KCTD18: variants seen among roughly 807,000 people sequenced by gnomAD.
The protein encoded by KCTD18 is potassium channel tetramerization domain containing 18.
Under a neutral mutation model 30.4 loss-of-function variants are expected in KCTD18, and 22 were observed. The observed-to-expected ratio is 0.72, with a 90% CI of 0.52 to 1.03. The LOEUF (loss-of-function observed/expected upper bound fraction) is 1.03. Among genes scored for constraint, KCTD18 ranks in the 50% least tolerant of loss-of-function variants. KCTD18 has a pLI of 0.00. For missense variants in KCTD18, 529 were observed against 547.6 expected (o/e 0.97, Z 0.34); for synonymous variants, 186 against 209.0 (o/e 0.89, Z 0.95).
chr2:200,503,834 A>C (rs770941742), intron 3 of KCTD18, among the ~76,000 whole-genome samples: 8 of 152,228 alleles, frequency 5.3e-5, no homozygotes, highest in Non-Finnish European at 7.3e-5. Flanking sequence ...CACTATTAAC[A>C]ATTTTCTAAG....
chr2:200,508,658 C>A (rs1302671178), intron 1 of KCTD18, among the ~76,000 whole-genome samples: 1 of 152,156 alleles, frequency 6.6e-6, no homozygotes, highest in African/African-American at 2.4e-5. Context: ...TGGAAGGAGA[C>A]CATTAAAATC....
chr2:200,504,388 G>A (rs1393598472), intron 3 of KCTD18, among the ~76,000 whole-genome samples: 1 of 151,562 alleles, frequency 6.6e-6, no homozygotes, highest in East Asian at 1.9e-4. Context: ...GAAGCCCAGA[G>A]GCGGAGCTTG....
intron 3 of KCTD18, among the ~76,000 whole-genome samples, chr2:200,502,477 C>G (rs1003489390): frequency 6.6e-6 from 1 of 152,126 alleles, no homozygotes; most frequent in Non-Finnish European, 1.5e-5. Context: ...CATGGACTAA[C>G]CAGATTGATT....
chr2:200,501,288 A>G (rs2088080873), intron 3 of KCTD18, among the ~76,000 whole-genome samples: 2 of 106,046 alleles, frequency 1.9e-5, no homozygotes, highest in Admixed American at 1.2e-4. Context: ...GACAAATGGG[A>G]TCTAATTAAA....
At chr2:200,502,499 C>A (rs1395707621) in intron 3 of KCTD18, among the ~76,000 whole-genome samples, 2 of 152,088 alleles carry the variant, frequency 1.3e-5, no homozygotes, top group Non-Finnish European at 2.9e-5. Flanking sequence ...TACTTTTACA[C>A]GGAAAGATAC....
chr2:200,508,719 G>A (rs564462877), intron 1 of KCTD18, among the ~76,000 whole-genome samples: 1 of 152,126 alleles, frequency 6.6e-6, no homozygotes, highest in Non-Finnish European at 1.5e-5. Flanking sequence ...ACCATTATGG[G>A]CCAAAGGTCC....
chr2:200,490,567 C>T lies in KCTD18; in HGVS notation c.814G>A (p.Gly272Ser), dbSNP rs569631375. 61 of 1,600,922 alleles carry T rather than the reference C, an allele frequency of 3.8e-5. 1 individual carries two copies. The South Asian group carries it at 5.8e-4, about 15-fold the overall frequency. ...CCCAAAAATCTAACTGGCTTAGGACCAGTCTTATAGTTCACACTTTCGTCC... is the reference window on the plus strand; with the variant it reads ...CCCAAAAATCTAACTGGCTTAGGACTAGTCTTATAGTTCACACTTTCGTCC... Reference protein sequence around the residue: ...EADESVNYKTGPKPVRFLGPS... With the variant: ...EADESVNYKTSPKPVRFLGPS... The change falls in exon 7 of 7, where the codon GGT (glycine) becomes AGT (serine). Residue 272 changes from glycine to serine, a missense_variant. Coordinates refer to ENST00000359878, the MANE Select transcript of KCTD18 (RefSeq NM_152387.4).
In KCTD18 at chr2:200,507,068, A is replaced by T; in HGVS notation, c.-52T>A. On this transcript the variant is annotated 5_prime_UTR_variant, in exon 2 of 7. It adds an upstream start codon to the 5' untranslated region. Coordinates refer to ENST00000359878, the MANE Select transcript of KCTD18 (RefSeq NM_152387.4). Reference sequence around the variant, plus strand: ...CCGCCCAACACTTTCAGAAACTTCAAAACAATGATGTCTTGGTCTCCCTCT... The same window carrying T: ...CCGCCCAACACTTTCAGAAACTTCATAACAATGATGTCTTGGTCTCCCTCT... The T allele has an allele frequency of 6.7e-7, 1 of 1,484,834 alleles. No individual in the cohort carries two copies. Among genetic ancestry groups the T allele is most frequent in the Non-Finnish European group, 9.2e-7 (1 of 1,082,002 alleles). The allele number at this position is 1,484,834 out of a possible 1,614,324, so 92.0% of individuals were successfully genotyped here.
intron 1 of KCTD18, among the ~76,000 whole-genome samples, chr2:200,508,774 G>T (rs1278793715): frequency 1.1e-4 from 16 of 152,202 alleles, no homozygotes; most frequent in African/African-American, 3.6e-4. Flanking sequence ...GCACTGCCTA[G>T]AAGTCCTGGG....
In KCTD18 at chr2:200,490,429, T is replaced by C. The variant is rs979079956; in HGVS notation, c.952A>G (p.Ser318Gly). The change falls in exon 7 of 7, where the codon AGC becomes GGC. Residue 318 changes from serine (S) to glycine (G), a missense_variant. Transcript: ENST00000359878. The stretch of plus-strand genomic sequence containing the variant: ...GAGCGCTGAGCTGCCTTTCTGCGGC[T>C]ACCACTTTGAAACCGGTTTGCTGTC... ...GATANRFQSG[S>G]RRKAAQRSAP... 1 of 1,614,202 alleles carries C rather than the reference T, an allele frequency of 6.2e-7. No homozygotes were observed. Among genetic ancestry groups the C allele is most frequent in the South Asian group, 1.1e-5 (1 of 91,084 alleles).
Position 200,490,070 on chromosome 2 carries a change from G to A in KCTD18, c.*30C>T, listed in dbSNP as rs761293917. 13 of 1,532,786 alleles carry A rather than the reference G, an allele frequency of 8.5e-6. No individual in the cohort carries two copies. Among genetic ancestry groups the A allele is most frequent in the Non-Finnish European group, 1.1e-5 (13 of 1,138,260 alleles). 94.9% of individuals were successfully genotyped at this position (1,532,786 alleles called of 1,614,324 possible). A position where few individuals can be genotyped will look rare whatever the true frequency, so the allele number is the denominator to read the frequency against. On this transcript the variant is annotated 3_prime_UTR_variant, in exon 7 of 7. Coordinates refer to ENST00000359878, the MANE Select transcript of KCTD18 (RefSeq NM_152387.4). ...GAATGGGTTGAAAGCTTTGGGAGAT[G>A]AACGGGAAATTTCAAGTCCACCACT...
At chr2:200,497,624 T>A (rs1574801138) in intron 5 of KCTD18, 129 bp downstream of exon 5, 1 of 698,122 alleles carries the variant, frequency 1.4e-6, no homozygotes, top group East Asian at 2.6e-5. Context: ...AGTGTTATCA[T>A]GAGATGACAA....
intron 2 of KCTD18, among the ~76,000 whole-genome samples, chr2:200,506,566 C>G (rs550924405): frequency 6.6e-6 from 1 of 152,334 alleles, no homozygotes; most frequent in South Asian, 2.1e-4. Flanking sequence ...TCAATATCAT[C>G]ACCCAAAGCT....
rs1454402747 is a variant in KCTD18, at chr2:200,510,033, C to G, written c.-481G>C. 1 of 152,070 alleles carries G rather than the reference C, an allele frequency of 6.6e-6. No homozygotes were observed. The highest frequency in any genetic ancestry group is 1.5e-5 in the Non-Finnish European group (1 of 68,002). The allele number at this position is 152,070 out of a possible 1,614,324, so 9.4% of individuals were successfully genotyped here. On this transcript the variant is annotated 5_prime_UTR_variant, in exon 1 of 7. Transcript: ENST00000359878. ...GACCTGCGGCCCGCCAGACCCTCGG[C>G]GCGGCCGCCGGACGCCGCGGGGCGG...
In KCTD18 at chr2:200,490,332, G is replaced by A. The variant is rs1318023625; in HGVS notation, c.1049C>T (p.Ala350Val). ...GTGCGTGCCTCCATTTTCAGCGCTC[G>A]CAGCCCCAGGGGAAGCCTGAGGATG... is the stretch of plus-strand genomic sequence containing the variant. ...PGHPQASPGA[A>V]SAENGGTHLP... Residue 350 changes from alanine to valine, a missense_variant, in exon 7 of 7, where the codon GCG (alanine) becomes GTG (valine). Coordinates refer to ENST00000359878, the MANE Select transcript of KCTD18 (RefSeq NM_152387.4). 14 of 1,614,104 alleles carry A rather than the reference G, an allele frequency of 8.7e-6. No individual in the cohort carries two copies. The highest frequency in any genetic ancestry group is 1.7e-5 in the Admixed American group (1 of 60,014).
chr2:200,509,054 C>T (rs2030368040), intron 1 of KCTD18, among the ~76,000 whole-genome samples: 2 of 152,186 alleles, frequency 1.3e-5, no homozygotes, highest in African/African-American at 4.8e-5. Context: ...AAGCCAGGGC[C>T]TGTGTCACTC....
chr2:200,493,066 T>G, intron 6 of KCTD18, 106 bp downstream of exon 6: 1 of 655,026 alleles, frequency 1.5e-6, no homozygotes, highest in South Asian at 1.8e-5. Context: ...CGGTGATTAA[T>G]AAGCTTAGTA....
chr2:200,505,293 G>A (rs2106284676), intron 2 of KCTD18, among the ~76,000 whole-genome samples: 1 of 152,306 alleles, frequency 6.6e-6, no homozygotes, highest in East Asian at 1.9e-4. Context: ...ATGTTTGGTT[G>A]TACTGGTGTA....
chr2:200,490,649 GTA>G, intron 6 of KCTD18, 33 bp from the exon 7 acceptor site: 1 of 1,539,900 alleles, frequency 6.5e-7, no homozygotes, highest in Non-Finnish European at 8.7e-7. Context: ...TTTTCCACAT[GTA>G]TAGTTTTAGT....
Sources: gnomAD v4.1 joint callset for allele counts (sites outside exome capture counted in the v4.1 genomes callset) on GRCh38, gnomAD v4.1.1 for gene constraint, MANE v1.5 for transcripts, NCBI Gene and HGNC (gene_info 2026-07-23, HGNC 2026-07-21) for gene names.